The following LAMC1 variants were observed in gnomAD, a reference collection of about 807,000 sequenced individuals.
LAMC1 encodes the protein laminin subunit gamma-1.
Under a neutral mutation model 173.6 loss-of-function variants are expected in LAMC1, and 38 were observed. The ratio of observed to expected loss-of-function variants is 0.22; its 90% CI spans 0.17 to 0.29. The LOEUF is 0.29. LAMC1 is among the 10% of genes least tolerant of loss of function. LAMC1 has a pLI of 1.00. For synonymous variants in LAMC1, 746 were observed against 749.1 expected (o/e 1.00, Z 0.07); for missense variants, 1,824 against 2,051.8 (o/e 0.89, Z 2.14).
In LAMC1 at chr1:183,144,123, TC is replaced by T. The variant is rs1345861533; in HGVS notation, c.*1336del. 6.6e-6 allele frequency: 1 copy of T among 152,464 alleles called. No individual in the cohort carries two copies. Among genetic ancestry groups the T allele is most frequent in the East Asian group, 1.9e-4 (1 of 5,182 alleles). The allele number at this position is 152,464 out of a possible 1,614,324, so 9.4% of individuals were successfully genotyped here. On this transcript the variant is annotated 3_prime_UTR_variant, in exon 28 of 28. Transcript: ENST00000258341. ...GGTTTTAAGACCACAGTGTGACAGT[TC>T]CCTGCCACACACCCCCTTCCTCCTA...
In LAMC1 at chr1:183,023,897, G is replaced by C. The variant is rs764328341; in HGVS notation, c.181G>C (p.Val61Leu). The change falls in exon 1 of 28, where the codon GTG becomes CTG. Residue 61 changes from valine to leucine, a missense_variant. By Grantham distance (32) the Val-to-Leu change is conservative (BLOSUM62 1). Coordinates refer to ENST00000258341, the MANE Select transcript of LAMC1 (RefSeq NM_002293.4). ...CGAGTTCGTCAACGCCGCCTTCAAC[G>C]TGACTGTGGTGGCCACCAACACGTG... ...MPEFVNAAFN[V>L]TVVATNTCGT... is the part of the protein sequence containing the mutation. 129 of 1,612,890 alleles carry C rather than the reference G, an allele frequency of 8.0e-5. 1 individual carries two copies. The highest frequency in any genetic ancestry group is 1.1e-4 in the Non-Finnish European group (125 of 1,179,812).
At chr1:183,136,789 G>A (rs552361595) in intron 25 of LAMC1, among the ~76,000 whole-genome samples, 1 of 151,656 alleles carries the variant, frequency 6.6e-6, no homozygotes, top group East Asian at 1.9e-4. Flanking sequence ...CAGTAAAAGG[G>A]TGCTTTACTC....
At chr1:183,134,211 G>A (rs1656874753) in intron 22 of LAMC1, among the ~76,000 whole-genome samples, 1 of 152,158 alleles carries the variant, frequency 6.6e-6, no homozygotes, top group African/African-American at 2.4e-5. Context: ...TATCTGAGGT[G>A]TTGACTTGAT....
intron 25 of LAMC1, among the ~76,000 whole-genome samples, chr1:183,137,309 C>A (rs940194656): frequency 6.6e-6 from 1 of 152,044 alleles, no homozygotes; most frequent in Non-Finnish European, 1.5e-5. Flanking sequence ...TTTACCTCAG[C>A]GAAAGCATCT....
intron 1 of LAMC1, among the ~76,000 whole-genome samples, chr1:183,092,799 A>G (rs1345792801): frequency 1.3e-5 from 2 of 152,118 alleles, no homozygotes; most frequent in African/African-American, 4.8e-5. Flanking sequence ...CTTTCTCCAC[A>G]TCTCTTAGAC....
At chr1:183,033,798 TC>T (rs1175497283) in intron 1 of LAMC1, among the ~76,000 whole-genome samples, 1 of 152,000 alleles carries the variant, frequency 6.6e-6, no homozygotes, top group East Asian at 1.9e-4. Flanking sequence ...TTCAAGCGAT[TC>T]TCCTGTCTCA....
intron 1 of LAMC1, among the ~76,000 whole-genome samples, chr1:183,034,002 G>T (rs1017788054): frequency 9.9e-5 from 15 of 151,968 alleles, no homozygotes; most frequent in African/African-American, 3.6e-4. Context: ...CCTGGCTGGA[G>T]AAACTTATAA....
At chr1:183,104,941 G>C (rs758370967) in intron 2 of LAMC1, among the ~76,000 whole-genome samples, 3 of 151,948 alleles carry the variant, frequency 2.0e-5, no homozygotes, top group Non-Finnish European at 4.4e-5. Flanking sequence ...AGGCGCAGTG[G>C]CTCATGGCTG....
intron 1 of LAMC1, among the ~76,000 whole-genome samples, chr1:183,031,846 C>CTA (rs2102007557): frequency 6.6e-6 from 1 of 151,602 alleles, no homozygotes; most frequent in South Asian, 2.1e-4. Context: ...TGGTTGCTTG[C>CTA]TATAAGACTT....
chr1:183,049,901 G>A lies in LAMC1; in HGVS notation c.418+25767G>A, dbSNP rs141733493. ...TTATTTTTTAAACTGGGCATAATAG[G>A]AATAGTTTGGGCAGCATCAATAGTA... On this transcript the variant is annotated intron_variant, in intron 1 of 27. Transcript: ENST00000258341. Among the ~76,000 whole-genome samples the A allele has an allele frequency of 5.4e-4, 82 of 152,054 alleles. No homozygotes were observed. The East Asian group carries it at 0.012, about 23-fold the overall frequency.
chr1:183,116,989 G>A (rs1656341469), intron 8 of LAMC1, 86 bp downstream of exon 8: 6 of 1,360,426 alleles, frequency 4.4e-6, no homozygotes, highest in Non-Finnish European at 5.1e-6. Context: ...GACTCTTTGA[G>A]GGCTTTTTGA....
intron 1 of LAMC1, among the ~76,000 whole-genome samples, chr1:183,070,449 T>C (rs1654982800): frequency 1.3e-5 from 2 of 152,188 alleles, no homozygotes; most frequent in Admixed American, 6.5e-5. Context: ...GATGCCCAGA[T>C]GTTCCTGGGA....
rs1656650337 is a variant in LAMC1, at chr1:183,127,404, G to C, written c.3123G>C (p.Lys1041Asn). ...CTTGTTACCGGCTGGTAAAGGATAAGGTAAGCTGTCAATAGTGCATTCATT... is the reference window on the plus strand; with the variant it reads ...CTTGTTACCGGCTGGTAAAGGATAACGTAAGCTGTCAATAGTGCATTCATT... ...CPACYRLVKD[K>N]VADHRVKLQE... Residue 1041 changes from lysine (K) to asparagine (N), a missense_variant and splice_region_variant, in exon 17 of 28, where the codon AAG becomes AAC. Physicochemically the swap from Lys to Asn is moderately conservative, Grantham distance 94 (BLOSUM62 0). Transcript: ENST00000258341. 6.2e-7 allele frequency: 1 copy of C among 1,613,888 alleles called. No homozygotes were observed. The highest frequency in any genetic ancestry group is 8.5e-7 in the Non-Finnish European group (1 of 1,179,856).
chr1:183,127,281 C>T lies in LAMC1; in HGVS notation c.3000C>T (p.Arg1000=). ...CACTTCAGTGCAAAGATGATGGTCG[C>T]TGTGAATGCAGAGAAGGCTTTGTGG... ...SLSLQCKDDG[R]CECREGFVGN... The change falls in exon 17 of 28, where the codon CGC becomes CGT. Residue 1000 remains arginine (R), a synonymous_variant. Coordinates refer to ENST00000258341, the MANE Select transcript of LAMC1 (RefSeq NM_002293.4). 6.2e-7 allele frequency: 1 copy of T among 1,614,134 alleles called. No individual in the cohort carries two copies. The highest frequency in any genetic ancestry group is 1.1e-5 in the South Asian group (1 of 91,074).
At position 183,115,423 on chromosome 1, in the gene LAMC1, C is replaced by T. The variant is rs1571449909; in HGVS notation, c.1211-97C>T. On this transcript the variant is annotated intron_variant, in intron 5 of 27. Coordinates refer to ENST00000258341, the MANE Select transcript of LAMC1 (RefSeq NM_002293.4). ...AGGAGATTGCATACTGGTTCTCAGG[C>T]ATTGCTTTTAATTACCAGTTATCTT... 5 of 805,468 alleles carry T rather than the reference C, an allele frequency of 6.2e-6. No individual in the cohort carries two copies. In the East Asian group the frequency reaches 1.2e-4, roughly 20 times the overall value. The allele number at this position is 805,468 out of a possible 1,614,324, so 49.9% of individuals were successfully genotyped here.
Position 183,142,921 on chromosome 1 carries a change from C to A in LAMC1, c.*131C>A. 1.1e-6 allele frequency: 1 copy of A among 934,852 alleles called. No individual in the cohort carries two copies. The highest frequency in any genetic ancestry group is 1.6e-6 in the Non-Finnish European group (1 of 632,798). The allele number at this position is 934,852 out of a possible 1,614,324, so 57.9% of individuals were successfully genotyped here. On this transcript the variant is annotated 3_prime_UTR_variant, in exon 28 of 28. Transcript: ENST00000258341. ...TGCTGTCCATGACTGTCCTTTTGAA[C>A]CAGGAAAAGTCACAGAGTTTAAAGA...
At chr1:183,142,445 C>A in intron 27 of LAMC1, 89 bp from the exon 28 acceptor site, 1 of 1,365,850 alleles carries the variant, frequency 7.3e-7, no homozygotes, top group African/African-American at 1.4e-5. Context: ...ATGGCAGCTG[C>A]TGGGCCTAGA....
intron 26 of LAMC1, among the ~76,000 whole-genome samples, 158 bp from the exon 27 acceptor site, chr1:183,140,246 A>C (rs1263207493): frequency 3.4e-5 from 3 of 89,414 alleles, no homozygotes; most frequent in African/African-American, 1.2e-4. Context: ...CAGCCCCACC[A>C]AAAAAAAAAA....
intron 1 of LAMC1, among the ~76,000 whole-genome samples, chr1:183,079,216 T>C (rs1413634020): frequency 7.0e-6 from 1 of 142,078 alleles, no homozygotes; most frequent in Non-Finnish European, 1.5e-5. Context: ...CAAGCAACTT[T>C]CTGATCTCTA....
Sources: allele counts gnomAD v4.1 joint callset (sites outside exome capture counted in the v4.1 genomes callset), GRCh38; gene constraint gnomAD v4.1.1; transcripts MANE v1.5; gene names NCBI Gene and HGNC (gene_info 2026-07-23, HGNC 2026-07-21).